Variants in ADAM28 observed in about 807,000 individuals in gnomAD.
ADAM28 encodes disintegrin and metalloproteinase domain-containing protein 28.
A neutral mutation model predicts 101.2 loss-of-function variants in ADAM28; 105 were observed. The observed-to-expected ratio is 1.04, with a 90% CI of 0.89 to 1.22. ADAM28 has a LOEUF of 1.22. ADAM28 is among the 50% of genes most tolerant of loss of function. ADAM28 has a pLI of 0.00. For synonymous variants in ADAM28, 322 were observed against 310.6 expected (o/e 1.04, Z -0.39); for missense variants, 1,028 against 945.4 (o/e 1.09, Z -1.15).
At chr8:24,329,857 G>T (rs981763035) in intron 10 of ADAM28, 128 bp from the exon 11 acceptor site, 3 of 888,808 alleles carry the variant, frequency 3.4e-6, no homozygotes, top group Non-Finnish European at 5.2e-6. Flanking sequence ...CTGTGTGTGT[G>T]TGTGTGTGTG....
chr8:24,342,673 T>C (rs1041798725), intron 16 of ADAM28, among the ~76,000 whole-genome samples: 1 of 152,154 alleles, frequency 6.6e-6, no homozygotes, highest in Non-Finnish European at 1.5e-5. Flanking sequence ...TATTTTCTAG[T>C]GCTGAAGCCT....
At chr8:24,328,888 T>A (rs1217510102) in intron 10 of ADAM28, among the ~76,000 whole-genome samples, 1 of 150,222 alleles carries the variant, frequency 6.7e-6, no homozygotes, top group Non-Finnish European at 1.5e-5. Context: ...ACCATTACAC[T>A]CCAGTTTGGG....
rs887566096 is a variant in ADAM28 at position 24,354,493 on chromosome 8, C to T, written c.*89C>T. The T allele has an allele frequency of 6.0e-6, 8 of 1,326,336 alleles. No homozygotes were observed. Among genetic ancestry groups the T allele is most frequent in the Admixed American group, 4.7e-5 (2 of 42,268 alleles). 82.2% of individuals were successfully genotyped at this position (1,326,336 alleles called of 1,614,324 possible). On this transcript the variant is annotated 3_prime_UTR_variant, in exon 23 of 23. Coordinates refer to ENST00000265769, the MANE Select transcript of ADAM28 (RefSeq NM_014265.6). ...GCAGAGAAATATACTATCTATCTCA[C>T]CAGTATTTGCTCTCGACTCAAGAAG... is the stretch of plus-strand genomic sequence containing the variant.
At position 24,294,201 on chromosome 8, in the gene ADAM28, T is replaced by C; in HGVS notation, c.46+6T>C. ...TCTCCTCCTCTCTGTTGCAGGTACA[T>C]ATTTAGCTCTTTTTCAGGTTCTATT... On this transcript the variant is annotated splice_donor_region_variant and intron_variant, in intron 1 of 22. Coordinates refer to ENST00000265769, the MANE Select transcript of ADAM28 (RefSeq NM_014265.6). The C allele has an allele frequency of 1.2e-6, 2 of 1,614,062 alleles. No individual in the cohort carries two copies. The highest frequency in any genetic ancestry group is 1.1e-5 in the South Asian group (1 of 91,088).
At position 24,355,616 on chromosome 8, in the gene ADAM28, C is replaced by T. The variant is rs971716350; in HGVS notation, c.*1212C>T. ...TTCTGGATATGGGCATCTGAATACT[C>T]TAGCTGGTACTGCTGCGCTCCACAC... On this transcript the variant is annotated 3_prime_UTR_variant, in exon 23 of 23. Transcript: ENST00000265769. The T allele has an allele frequency of 6.6e-6, 1 of 150,996 alleles. No individual in the cohort carries two copies. The highest frequency in any genetic ancestry group is 1.5e-5 in the Non-Finnish European group (1 of 67,850). 9.4% of individuals were successfully genotyped at this position (150,996 alleles called of 1,614,324 possible).
chr8:24,325,889 A>AAAAAAAAAAAAC (rs1563297008), intron 9 of ADAM28, among the ~76,000 whole-genome samples: 60 of 141,992 alleles, frequency 4.2e-4, no homozygotes, highest in African/African-American at 1.6e-3. Flanking sequence ...AAAAAAAAAA[A>AAAAAAAAAAAAC]AAAAAAAAAA....
At chr8:24,318,944 C>A (rs1328232365) in intron 6 of ADAM28, among the ~76,000 whole-genome samples, 1 of 151,946 alleles carries the variant, frequency 6.6e-6, no homozygotes, top group Non-Finnish European at 1.5e-5. Flanking sequence ...GTTTTCTGCT[C>A]AAAGCCCTCC....
chr8:24,335,014 T>A (rs1353695052), intron 13 of ADAM28, among the ~76,000 whole-genome samples: 1 of 152,232 alleles, frequency 6.6e-6, no homozygotes, highest in Non-Finnish European at 1.5e-5. Context: ...TCTGCTGATC[T>A]GGTGCTTGTA....
chr8:24,323,958 G>A lies in ADAM28; in HGVS notation c.845G>A (p.Ser282Asn), dbSNP rs1812210338. 2 of 1,612,140 alleles carry A rather than the reference G, an allele frequency of 1.2e-6. No homozygotes were observed. Among genetic ancestry groups the A allele is most frequent in the African/African-American group, 1.3e-5 (1 of 74,922 alleles). Reference sequence around the variant, plus strand: ...GAGAATTTTTCTAAATGGAGGGGGAGTGTTCTCTCAAGAAGAAAGCGTCAT... The same window carrying A: ...GAGAATTTTTCTAAATGGAGGGGGAATGTTCTCTCAAGAAGAAAGCGTCAT... ...TLENFSKWRG[S>N]VLSRRKRHDI... Residue 282 changes from serine (S) to asparagine (N), a missense_variant, in exon 9 of 23, where the codon AGT (serine) becomes AAT (asparagine). Ser to Asn is a conservative substitution (Grantham distance 46). Transcript: ENST00000265769.
intron 1 of ADAM28, among the ~76,000 whole-genome samples, chr8:24,298,430 G>T (rs1362940473): frequency 6.6e-6 from 1 of 152,052 alleles, no homozygotes; most frequent in Non-Finnish European, 1.5e-5. Flanking sequence ...AAAAAACGCT[G>T]TTTTTTGAAA....
chr8:24,325,655 TTAAA>T (rs1812440073), intron 9 of ADAM28, among the ~76,000 whole-genome samples: 1 of 151,686 alleles, frequency 6.6e-6, no homozygotes, highest in East Asian at 1.9e-4. Context: ...TGAAATCAGA[TTAAA>T]TAGATAAAAT....
intron 2 of ADAM28, among the ~76,000 whole-genome samples, chr8:24,301,915 T>C (rs967552464): frequency 2.0e-5 from 3 of 152,190 alleles, no homozygotes; most frequent in Admixed American, 2.0e-4. Flanking sequence ...CTGAATTTTT[T>C]TTCTAATAAC....
rs551002975 is a variant in ADAM28 at position 24,310,096 on chromosome 8, T to A, written c.228-67T>A. On this transcript the variant is annotated intron_variant, in intron 3 of 22. Transcript: ENST00000265769. ...TAATCAGCGTTTGCTCTCAAATGAC[T>A]TGAGAATTTCCATGGACTTAGCAAT... 2.7e-4 allele frequency: 429 copies of A among 1,574,300 alleles called. 2 individuals carry two copies. The African/African-American group carries it at 5.1e-3, about 19-fold the overall frequency.
At chr8:24,309,543 T>C (rs112540995) in intron 2 of ADAM28, among the ~76,000 whole-genome samples, 238 of 152,318 alleles carry the variant, frequency 1.6e-3, no homozygotes, top group African/African-American at 5.5e-3. Context: ...GTCTGTCTTT[T>C]CACAAGATCA....
At chr8:24,352,102 A>G in intron 21 of ADAM28, 50 bp downstream of exon 21, 1 of 1,529,648 alleles carries the variant, frequency 6.5e-7, no homozygotes, top group Non-Finnish European at 9.1e-7. Flanking sequence ...TCTCCAGGAA[A>G]TATCGGTGAA....
chr8:24,336,285 T>C (rs1038224020), intron 14 of ADAM28, among the ~76,000 whole-genome samples: 1 of 152,058 alleles, frequency 6.6e-6, no homozygotes, highest in Non-Finnish European at 1.5e-5. Context: ...GCAATTTGTA[T>C]AGTATTAAAT....
At position 24,352,024 on chromosome 8, in the gene ADAM28, T is replaced by G. The variant is rs888833500; in HGVS notation, c.2216T>G (p.Val739Gly). 1 of 1,613,698 alleles carries G rather than the reference T, an allele frequency of 6.2e-7. No homozygotes were observed. The highest frequency in any genetic ancestry group is 1.3e-5 in the African/African-American group (1 of 74,900). The change falls in exon 21 of 23, where the codon GTA (valine) becomes GGA (glycine). Residue 739 changes from valine to glycine, a missense_variant. Val to Gly is a moderately radical substitution (Grantham distance 109, BLOSUM62 -3). Transcript: ENST00000265769. ...AAGCCCCATGTGTATGATCTGCCAG[T>G]AGAAGGCAATGAGCCCCCAGCCTCT... ...QMKPHVYDLP[V>G]EGNEPPASFH...
At position 24,309,967 on chromosome 8, in the gene ADAM28, A is replaced by C. The variant is rs1810226543; in HGVS notation, c.224A>C (p.Asn75Thr). 1.3e-6 allele frequency: 2 copies of C among 1,557,514 alleles called. No homozygotes were observed. Among genetic ancestry groups the C allele is most frequent in the Non-Finnish European group, 1.8e-6 (2 of 1,129,916 alleles). Residue 75 changes from asparagine to threonine, a missense_variant, in exon 3 of 23, where the codon AAC (asparagine) becomes ACC (threonine). Physicochemically the swap from Asn to Thr is moderately conservative, Grantham distance 65. Coordinates refer to ENST00000265769, the MANE Select transcript of ADAM28 (RefSeq NM_014265.6). ...GKIAVLYLKK[N>T]KNLLAPGYTE... is the part of the protein sequence containing the mutation. ...ATTGCAGTGCTTTATTTGAAAAAAA[A>C]CAAGTAAGTATCTTTACCTGTGATA... is the stretch of plus-strand genomic sequence containing the variant.
At chr8:24,326,488 T>C (rs1234217901) in intron 9 of ADAM28, 66 bp from the exon 10 acceptor site, 1 of 1,440,732 alleles carries the variant, frequency 6.9e-7, no homozygotes, top group Non-Finnish European at 9.7e-7. Context: ...GGGTTTTGGA[T>C]GTATTGTCTA....
Sources: gnomAD v4.1 joint callset for allele counts (sites outside exome capture counted in the v4.1 genomes callset) on GRCh38, gnomAD v4.1.1 for gene constraint, MANE v1.5 for transcripts, NCBI Gene and HGNC (gene_info 2026-07-23, HGNC 2026-07-21) for gene names.